Variants in KANK1 observed in about 807,000 individuals in gnomAD.
The protein encoded by KANK1 is KN motif and ankyrin repeat domain-containing protein 1.
KANK1 carries 109 observed loss-of-function variants against 106.2 expected under a neutral mutation model. That is an observed-to-expected ratio of 1.03 (90% CI 0.88 to 1.20). KANK1 has a LOEUF of 1.20. Ranked by LOEUF, KANK1 falls within the 50% of genes most tolerant of loss-of-function variation. The pLI is 0.00. For missense variants in KANK1, 2,399 were observed against 1,710.7 expected (o/e 1.40, Z -7.10); for synonymous variants, 873 against 652.2 (o/e 1.34, Z -5.16).
chr9:628,666 C>T (rs12337054), intron 1 of KANK1, among the ~76,000 whole-genome samples: 23,592 of 152,024 alleles, frequency 0.16, 1,991 homozygotes, highest in Admixed American at 0.18. Context: ...GATTCCTCCC[C>T]TCTCTGCCCA....
chr9:493,356 G>A (rs373349598), intron 3 of KANK1, among the ~76,000 whole-genome samples: 1 of 152,058 alleles, frequency 6.6e-6, no homozygotes, highest in East Asian at 1.9e-4. Flanking sequence ...GAAGAGTGAA[G>A]AAGCCTTCTC....
intron 2 of KANK1, among the ~76,000 whole-genome samples, chr9:709,112 A>T (rs1314349543): frequency 6.6e-6 from 1 of 152,226 alleles, no homozygotes; most frequent in Non-Finnish European, 1.5e-5. Flanking sequence ...ATACAAAACA[A>T]GGTGTTCCTG....
At chr9:736,356 T>G (rs1435498172) in intron 7 of KANK1, among the ~76,000 whole-genome samples, 7 of 152,190 alleles carry the variant, frequency 4.6e-5, no homozygotes, top group Admixed American at 4.6e-4. Flanking sequence ...TGCCAGTGGT[T>G]GAATCTATGG....
intron 1 of KANK1, among the ~76,000 whole-genome samples, chr9:509,030 T>C (rs930929649): frequency 1.1e-4 from 17 of 152,242 alleles, no homozygotes; most frequent in Non-Finnish European, 2.5e-4. Flanking sequence ...GAGAGAGTTC[T>C]GTTGTGTCCT....
chr9:713,034 C>T lies in KANK1; in HGVS notation c.2268C>T (p.Thr756=), dbSNP rs752925358. 5.0e-6 allele frequency: 8 copies of T among 1,614,018 alleles called. No homozygotes were observed. In the African/African-American group the frequency reaches 8.0e-5, roughly 16 times the overall value. ...TTGACAGGCCATCAGCTGTGAAGAC[C>T]AAAGAGTCAGGTGTGGGGCAGATAA... The part of the protein sequence containing the change: ...SGFDRPSAVK[T]KESGVGQINI... Residue 756 remains threonine, a synonymous_variant, in exon 3 of 12, where the codon ACC becomes ACT. Transcript: ENST00000382297.
intron 1 of KANK1, among the ~76,000 whole-genome samples, chr9:612,157 C>A (rs903410530): frequency 6.6e-6 from 1 of 152,176 alleles, no homozygotes; most frequent in Non-Finnish European, 1.5e-5. Flanking sequence ...TTAAATTGCA[C>A]TTTGTTAATA....
intron 1 of KANK1, among the ~76,000 whole-genome samples, chr9:611,967 C>A (rs994185252): frequency 1.3e-5 from 2 of 152,220 alleles, no homozygotes; most frequent in African/African-American, 4.8e-5. Context: ...ATCCGCCAGT[C>A]TCGGCCTCCC....
At chr9:661,663 T>G (rs1385297246) in intron 1 of KANK1, among the ~76,000 whole-genome samples, 1 of 152,164 alleles carries the variant, frequency 6.6e-6, no homozygotes, top group African/African-American at 2.4e-5. Context: ...CTGGGTCAAG[T>G]GGTATTTCTA....
At chr9:670,631 T>C (rs73639396) in intron 1 of KANK1, among the ~76,000 whole-genome samples, 4,802 of 152,214 alleles carry the variant, frequency 0.032, 263 homozygotes, top group African/African-American at 0.11. Flanking sequence ...CCCACTCTGA[T>C]TTGGCGTCTC....
intron 3 of KANK1, among the ~76,000 whole-genome samples, chr9:490,729 C>T (rs1330341256): frequency 6.6e-6 from 1 of 152,148 alleles, no homozygotes; most frequent in African/African-American, 2.4e-5. Flanking sequence ...CTTCATTGCT[C>T]ATTCAACACA....
intron 10 of KANK1, among the ~76,000 whole-genome samples, chr9:743,394 G>A (rs1416766970): frequency 2.0e-5 from 3 of 152,150 alleles, no homozygotes; most frequent in Non-Finnish European, 4.4e-5. Context: ...TCCCCTCTGT[G>A]GGAGGGAGAG....
chr9:517,679 A>C (rs976597222), intron 1 of KANK1, among the ~76,000 whole-genome samples: 3 of 151,158 alleles, frequency 2.0e-5, no homozygotes, highest in Non-Finnish European at 2.9e-5. Context: ...GTTGTAGGGA[A>C]GGGTGTGCCG....
intron 2 of KANK1, among the ~76,000 whole-genome samples, chr9:705,760 G>A (rs1029315864): frequency 1.3e-5 from 2 of 151,474 alleles, no homozygotes; most frequent in Non-Finnish European, 1.5e-5. Context: ...CACTATGCTT[G>A]GGTAATTTTT....
At chr9:633,389 C>T (rs554501785) in intron 1 of KANK1, among the ~76,000 whole-genome samples, 127 of 152,224 alleles carry the variant, frequency 8.3e-4, no homozygotes, top group African/African-American at 2.9e-3. Flanking sequence ...ACCCGGGAGG[C>T]GGAGGTTGCA....
intron 1 of KANK1, among the ~76,000 whole-genome samples, chr9:531,335 G>GCTTT (rs1173221780): frequency 6.6e-6 from 1 of 151,986 alleles, no homozygotes; most frequent in Non-Finnish European, 1.5e-5. Context: ...GGAGACTGAG[G>GCTTT]TGCGAGGGTT....
At chr9:552,310 A>T (rs1304524515) in intron 1 of KANK1, among the ~76,000 whole-genome samples, 1 of 152,274 alleles carries the variant, frequency 6.6e-6, no homozygotes, top group Admixed American at 6.5e-5. Flanking sequence ...AAGAAGACCA[A>T]TTAGGAGGTT....
At chr9:680,344 A>G (rs957660328) in intron 2 of KANK1, among the ~76,000 whole-genome samples, 1 of 152,086 alleles carries the variant, frequency 6.6e-6, no homozygotes, top group African/African-American at 2.4e-5. Context: ...TAAATGGGAT[A>G]AGGGGTGATT....
intron 1 of KANK1, among the ~76,000 whole-genome samples, chr9:661,186 A>G (rs1317372033): frequency 6.6e-6 from 1 of 152,110 alleles, no homozygotes; most frequent in African/African-American, 2.4e-5. Context: ...CAGGCTTGTT[A>G]CGTATGCATA....
At chr9:612,151 A>T (rs569645670) in intron 1 of KANK1, among the ~76,000 whole-genome samples, 1 of 152,204 alleles carries the variant, frequency 6.6e-6, no homozygotes, top group African/African-American at 2.4e-5. Context: ...TGCCTCTTAA[A>T]TTGCACTTTG....
Sources: gnomAD v4.1 joint callset for allele counts (sites outside exome capture counted in the v4.1 genomes callset) on GRCh38, gnomAD v4.1.1 for gene constraint, MANE v1.5 for transcripts, NCBI Gene and HGNC (gene_info 2026-07-23, HGNC 2026-07-21) for gene names.